The following SYNPR variants were observed in gnomAD, a reference collection of about 807,000 sequenced individuals.
SYNPR encodes the protein synaptoporin.
SYNPR carries 23 observed loss-of-function variants against 32.9 expected under a neutral mutation model. The ratio of observed to expected loss-of-function variants is 0.70; its 90% CI spans 0.50 to 0.99. The LOEUF is 0.99. Ranked by LOEUF, SYNPR falls within the 50% of genes least tolerant of loss-of-function variation. The pLI is 0.00. For synonymous variants in SYNPR, 146 were observed against 135.9 expected, an observed-to-expected ratio of 1.07 and a Z score of -0.52; for missense variants, 318 against 349.3, an observed-to-expected ratio of 0.91 and a Z score of 0.71.
chr3:63,208,397 G>A, the SYNPR span, among the ~76,000 whole-genome samples: 1 of 152,122 alleles, frequency 6.6e-6, no homozygotes, highest in Non-Finnish European at 1.5e-5. Flanking sequence ...GTCAAATCTG[G>A]CACAGAATGA....
At chr3:63,591,459 T>C (rs1452526340) in intron 4 of SYNPR, among the ~76,000 whole-genome samples, 2 of 119,032 alleles carry the variant, frequency 1.7e-5, no homozygotes, top group African/African-American at 6.9e-5. Context: ...TTACTGGGTA[T>C]ATACCCAAAT....
At chr3:63,402,529 A>G (rs935279519) in intron 2 of SYNPR, among the ~76,000 whole-genome samples, 20 of 152,142 alleles carry the variant, frequency 1.3e-4, no homozygotes, top group Admixed American at 6.5e-5. Flanking sequence ...ATCGGGATTG[A>G]CCCCTCTGTA....
chr3:63,506,723 C>A (rs142671874), intron 3 of SYNPR, among the ~76,000 whole-genome samples: 2 of 152,024 alleles, frequency 1.3e-5, no homozygotes, highest in African/African-American at 4.8e-5. Flanking sequence ...TTGGGAAATG[C>A]GGAGTTAGAC....
intron 3 of SYNPR, among the ~76,000 whole-genome samples, chr3:63,507,945 G>GA (rs1701620906): frequency 6.6e-6 from 1 of 151,866 alleles, no homozygotes; most frequent in Non-Finnish European, 1.5e-5. Context: ...TACAGGAAAT[G>GA]AAAATGGCAA....
intron 1 of SYNPR, among the ~76,000 whole-genome samples, chr3:63,231,535 C>G (rs987934706): frequency 6.6e-6 from 1 of 152,060 alleles, no homozygotes; most frequent in African/African-American, 2.4e-5. Flanking sequence ...CCCTTATTCC[C>G]CAATTAAATT....
chr3:63,451,126 G>A (rs1484855583), intron 2 of SYNPR, among the ~76,000 whole-genome samples: 1 of 152,160 alleles, frequency 6.6e-6, no homozygotes, highest in Non-Finnish European at 1.5e-5. Flanking sequence ...GAGTAATAAT[G>A]AGTAACTTCC....
At chr3:63,229,186 T>C (rs904267514) in intron 1 of SYNPR, among the ~76,000 whole-genome samples, 2 of 152,160 alleles carry the variant, frequency 1.3e-5, no homozygotes, top group Non-Finnish European at 2.9e-5. Flanking sequence ...TTCCATCAAC[T>C]ACAAATTAGA....
intron 2 of SYNPR, among the ~76,000 whole-genome samples, chr3:63,306,986 C>A (rs1429568237): frequency 1.3e-5 from 2 of 151,984 alleles, no homozygotes; most frequent in Admixed American, 6.6e-5. Flanking sequence ...TAATAATTGT[C>A]ATATACTGAA....
At chr3:63,340,520 C>T (rs1050066519) in intron 2 of SYNPR, among the ~76,000 whole-genome samples, 2 of 147,514 alleles carry the variant, frequency 1.4e-5, no homozygotes, top group Admixed American at 6.8e-5. Context: ...CCCGGGTTCA[C>T]GCCATTCTCC....
chr3:63,390,417 A>G (rs915087568), intron 2 of SYNPR, among the ~76,000 whole-genome samples: 2 of 152,178 alleles, frequency 1.3e-5, no homozygotes, highest in African/African-American at 2.4e-5. Flanking sequence ...GATAAATGAG[A>G]GTGTACACCT....
chr3:63,404,770 C>A (rs575710426), intron 2 of SYNPR, among the ~76,000 whole-genome samples: 4 of 151,986 alleles, frequency 2.6e-5, no homozygotes, highest in African/African-American at 9.6e-5. Context: ...TGAAAGTACT[C>A]TCCTTTTAAT....
At chr3:63,354,435 G>T (rs534910917) in intron 2 of SYNPR, among the ~76,000 whole-genome samples, 1 of 152,134 alleles carries the variant, frequency 6.6e-6, no homozygotes, top group Non-Finnish European at 1.5e-5. Context: ...AAACCTAACT[G>T]CAGGTTAGAG....
chr3:63,445,530 T>G (rs183310607), intron 2 of SYNPR: 1 of 699,752 alleles, frequency 1.4e-6, no homozygotes, highest in Non-Finnish European at 2.6e-6. Flanking sequence ...AATCAGCTCC[T>G]CTCTTCTTTT....
chr3:63,270,714 A>G (rs2086526939), intron 3 of SYNPR, among the ~76,000 whole-genome samples: 1 of 152,200 alleles, frequency 6.6e-6, no homozygotes, highest in Non-Finnish European at 1.5e-5. Flanking sequence ...TATTTATAAG[A>G]TGTGGATAAT....
At chr3:63,301,626 C>A (rs1389563885) in intron 2 of SYNPR, among the ~76,000 whole-genome samples, 1 of 151,344 alleles carries the variant, frequency 6.6e-6, no homozygotes, top group Non-Finnish European at 1.5e-5. Context: ...AAGTATGAAT[C>A]TTCTGAAAAT....
upstream of SYNPR, chr3:63,228,301 T>C (rs2086143557): frequency 6.6e-6 from 1 of 152,286 alleles, no homozygotes; most frequent in South Asian, 2.1e-4. Context: ...GTAGTATCAA[T>C]TGGATCAGTC....
In SYNPR at chr3:63,396,165, C is replaced by T. The variant is rs17068466; in HGVS notation, c.85-84667C>T. On this transcript the variant is annotated intron_variant, in intron 2 of 5. Transcript: ENST00000478300. ...ATTGCATAGTCTTTTGTATGATATCCGCTCCACAATTAATTCTGGAGTTGG... is the reference window on the plus strand; with the variant it reads ...ATTGCATAGTCTTTTGTATGATATCTGCTCCACAATTAATTCTGGAGTTGG... Among the ~76,000 whole-genome samples the T allele has an allele frequency of 6.1e-3, 930 of 152,232 alleles. 14 individuals carry two copies. Among genetic ancestry groups the T allele is most frequent in the African/African-American group, 0.02 (845 of 41,534 alleles).
intron 3 of SYNPR, among the ~76,000 whole-genome samples, chr3:63,551,471 T>C (rs1223334972): frequency 6.6e-6 from 1 of 152,202 alleles, no homozygotes; most frequent in African/African-American, 2.4e-5. Context: ...ATGATAACTC[T>C]ATATTTAACC....
At chr3:63,462,233 C>T (rs1233179573) in intron 2 of SYNPR, among the ~76,000 whole-genome samples, 1 of 152,076 alleles carries the variant, frequency 6.6e-6, no homozygotes, top group Non-Finnish European at 1.5e-5. Context: ...TCCTTGTTCA[C>T]CTTATCTGAG....
Sources: allele counts gnomAD v4.1 joint callset (sites outside exome capture counted in the v4.1 genomes callset), GRCh38; gene constraint gnomAD v4.1.1; transcripts MANE v1.5; gene names NCBI Gene and HGNC (gene_info 2026-07-23, HGNC 2026-07-21).